STARD13: variants seen among roughly 807,000 people sequenced by gnomAD.
STARD13 encodes StAR related lipid transfer domain containing 13.
STARD13 carries 62 observed loss-of-function variants against 106.4 expected under a neutral mutation model. That is an observed-to-expected ratio of 0.58 (90% CI 0.48 to 0.72). STARD13 has a LOEUF of 0.72. Among genes scored for constraint, STARD13 ranks in the 30% least tolerant of loss-of-function variants. The probability of loss-of-function intolerance (pLI) is 0.00; values close to 1 mark genes in which losing one functional copy is unlikely to be tolerated. For synonymous variants in STARD13, 565 were observed against 553.0 expected (o/e 1.02, Z -0.31); for missense variants, 1,387 against 1,424.0 (o/e 0.97, Z 0.42).
chr13:33,334,591 C>T (rs571997907), intron 1 of STARD13, among the ~76,000 whole-genome samples: 1 of 152,172 alleles, frequency 6.6e-6, no homozygotes, highest in Non-Finnish European at 1.5e-5. Context: ...GAGAGACCCT[C>T]AAGAGGTGGG....
At chr13:33,650,167 T>G in the STARD13 span, among the ~76,000 whole-genome samples, 2 of 13,186 alleles carry the variant, frequency 1.5e-4, no homozygotes, top group African/African-American at 1.1e-3. Flanking sequence ...GACTCCAATT[T>G]TTTTTTTTTT....
intron 1 of STARD13, among the ~76,000 whole-genome samples, chr13:33,212,182 T>G (rs1264029003): frequency 6.6e-6 from 1 of 152,200 alleles, no homozygotes; most frequent in Admixed American, 6.5e-5. Flanking sequence ...CCCCTGAAGC[T>G]GACAGATTTG....
chr13:33,405,158 T>G, the STARD13 span, among the ~76,000 whole-genome samples: 78 of 152,278 alleles, frequency 5.1e-4, no homozygotes, highest in African/African-American at 1.9e-3. Context: ...AATCCCCGCC[T>G]CCTCCTTAAG....
chr13:33,527,882 A>G, the STARD13 span, among the ~76,000 whole-genome samples: 1 of 151,698 alleles, frequency 6.6e-6, no homozygotes, highest in Non-Finnish European at 1.5e-5. Flanking sequence ...TTATAAAGAA[A>G]TATCCATATT....
At chr13:33,347,593 C>T (rs1354015901), downstream of STARD13, among the ~76,000 whole-genome samples, 1 of 152,142 alleles carries the variant, frequency 6.6e-6, no homozygotes, top group Non-Finnish European at 1.5e-5. Flanking sequence ...AAATACTTGC[C>T]ATTGTGTTAC....
the STARD13 span, among the ~76,000 whole-genome samples, chr13:33,419,120 C>T: frequency 6.2e-4 from 94 of 152,250 alleles, no homozygotes; most frequent in Non-Finnish European, 1.1e-3. Flanking sequence ...ATGACTTTGA[C>T]GAGTGGACAG....
Position 33,285,527 on chromosome 13 carries a change from G to C in STARD13, c.112C>G (p.Pro38Ala). ...LRFDQTTRRS[P>A]YRMSRILARH... is the part of the protein sequence containing the mutation. ...GCTAGAATCCGGCTCATCCTGTAAG[G>C]AGAGCGTCTTGTAGTCTGATCAAAT... Residue 38 changes from proline (P) to alanine (A), a missense_variant, in exon 1 of 14, where the codon CCT (proline) becomes GCT (alanine). Coordinates refer to ENST00000336934, the MANE Select transcript of STARD13 (RefSeq NM_178006.4). 1 of 1,614,034 alleles carries C rather than the reference G, an allele frequency of 6.2e-7. No individual in the cohort carries two copies. Among genetic ancestry groups the C allele is most frequent in the South Asian group, 1.1e-5 (1 of 91,070 alleles).
At chr13:33,613,959 C>T in the STARD13 span, among the ~76,000 whole-genome samples, 4 of 152,320 alleles carry the variant, frequency 2.6e-5, 1 homozygote, top group African/African-American at 7.2e-5. Flanking sequence ...CAAAGAAACA[C>T]ACCTCAGCTG....
chr13:33,673,387 C>T, the STARD13 span, among the ~76,000 whole-genome samples: 1 of 152,174 alleles, frequency 6.6e-6, no homozygotes, highest in South Asian at 2.1e-4. Flanking sequence ...TTGCAAAACT[C>T]CTAGAAATTC....
chr13:33,416,429 A>C, the STARD13 span, among the ~76,000 whole-genome samples: 1 of 152,238 alleles, frequency 6.6e-6, no homozygotes, highest in Admixed American at 6.5e-5. Context: ...GGAAGTGTGC[A>C]GAATAACAAG....
the STARD13 span, among the ~76,000 whole-genome samples, chr13:33,456,545 T>C: frequency 9.4e-4 from 143 of 152,286 alleles, 1 homozygote; most frequent in Non-Finnish European, 1.5e-3. Flanking sequence ...ATCAGCAGTG[T>C]TGTTTTCTCC....
the STARD13 span, among the ~76,000 whole-genome samples, chr13:33,526,199 T>C: frequency 1.3e-5 from 2 of 152,088 alleles, no homozygotes; most frequent in South Asian, 4.1e-4. Flanking sequence ...TCCTTATGCT[T>C]GTGAGAGCAA....
the STARD13 span, among the ~76,000 whole-genome samples, chr13:33,359,887 T>C: frequency 6.6e-6 from 1 of 152,232 alleles, no homozygotes; most frequent in Admixed American, 6.5e-5. Context: ...TAAAGTAATC[T>C]AGAGTTACCT....
chr13:33,596,020 G>A, the STARD13 span, among the ~76,000 whole-genome samples: 1 of 152,110 alleles, frequency 6.6e-6, no homozygotes, highest in Non-Finnish European at 1.5e-5. Flanking sequence ...TGCTCTTCCA[G>A]ATATGAACCA....
chr13:33,439,586 T>C, the STARD13 span: 4 of 490,910 alleles, frequency 8.1e-6, no homozygotes, highest in East Asian at 7.2e-5. Flanking sequence ...TTTGCATCCA[T>C]GATTCAGCAA....
At chr13:33,128,846 T>C (rs867526490) in intron 5 of STARD13, 83 bp downstream of exon 5, 3 of 1,387,998 alleles carry the variant, frequency 2.2e-6, no homozygotes, top group Admixed American at 2.2e-5. Flanking sequence ...GTAAGTACTC[T>C]GTGTATGTTT....
At chr13:33,630,407 G>T in the STARD13 span, among the ~76,000 whole-genome samples, 2 of 152,104 alleles carry the variant, frequency 1.3e-5, no homozygotes, top group East Asian at 1.9e-4. Flanking sequence ...TTTTCTTTAA[G>T]CCTAGGAAAA....
chr13:33,161,399 C>T (rs1486301663), intron 3 of STARD13, among the ~76,000 whole-genome samples: 1 of 152,014 alleles, frequency 6.6e-6, no homozygotes, highest in Non-Finnish European at 1.5e-5. Flanking sequence ...ACTGCAACCT[C>T]TGCCTCTTGG....
the STARD13 span, among the ~76,000 whole-genome samples, chr13:33,414,132 T>C: frequency 2.0e-5 from 3 of 151,930 alleles, no homozygotes; most frequent in Non-Finnish European, 4.4e-5. Context: ...TGAGATATTA[T>C]AGCACACCTA....
Sources: allele counts gnomAD v4.1 joint callset (sites outside exome capture counted in the v4.1 genomes callset), GRCh38; gene constraint gnomAD v4.1.1; transcripts MANE v1.5; gene names NCBI Gene and HGNC (gene_info 2026-07-23, HGNC 2026-07-21).